Variants in FAM9C observed in about 807,000 individuals in gnomAD.
FAM9C encodes the protein protein FAM9C.
In FAM9C, 15 loss-of-function variants were observed where a neutral mutation model predicts 14.8. That is an observed-to-expected ratio of 1.02 (90% CI 0.68 to 1.56). The LOEUF is 1.56. FAM9C is among the 40% of genes most tolerant of loss of function. The pLI is 0.00. For synonymous variants in FAM9C, 45 were observed against 37.5 expected (o/e 1.20, Z -0.74); for missense variants, 116 against 118.0 (o/e 0.98, Z 0.08).
chrX:13,042,021 G>A (rs1410362669), intron 4 of FAM9C: 1 of 112,353 alleles, frequency 8.9e-6, no homozygotes, highest in Non-Finnish European at 1.9e-5. Flanking sequence ...ATGAATTATC[G>A]CTATAGAAGA....
At chrX:13,039,670 C>T in intron 6 of FAM9C, 138 bp downstream of exon 6, 1 of 991,141 alleles carries the variant, frequency 1.0e-6, no homozygotes, top group East Asian at 3.4e-5. Flanking sequence ...ATTATATTCC[C>T]CTAGTCCATG....
chrX:13,040,808 G>T lies in FAM9C; in HGVS notation c.279C>A (p.Ser93Arg), dbSNP rs148405468. 5.9e-6 allele frequency: 7 copies of T among 1,191,268 alleles called. No homozygotes were observed. The highest frequency in any genetic ancestry group is 6.8e-6 in the Non-Finnish European group (6 of 886,407). ...KRIEKIAKAC[S>R]EIKNRIKNVL... Reference sequence around the variant, plus strand: ...CATTTTTAATTCTGTTCTTTATTTCGCTGCAAGCTTTTGCAATCTTTTCAA... The same window carrying T: ...CATTTTTAATTCTGTTCTTTATTTCTCTGCAAGCTTTTGCAATCTTTTCAA... The change falls in exon 5 of 8, where the codon AGC becomes AGA. Residue 93 changes from serine (S) to arginine (R), a missense_variant. Physicochemically the swap from Ser to Arg is moderately radical, Grantham distance 110. Transcript: ENST00000380625.
chrX:13,039,085 T>C (rs1321146374), intron 6 of FAM9C, among the ~76,000 whole-genome samples: 1 of 111,717 alleles, frequency 9.0e-6, no homozygotes, highest in Non-Finnish European at 1.9e-5. Context: ...CTGAAAAATT[T>C]AAATAAACCT....
intron 2 of FAM9C, 117 bp downstream of exon 2, chrX:13,043,612 G>T: frequency 2.2e-6 from 2 of 890,329 alleles, no homozygotes; most frequent in Non-Finnish European, 1.6e-6. Flanking sequence ...CATGCACGGT[G>T]AGCTCCAAAG....
chrX:13,038,659 A>G (rs2043499828), intron 6 of FAM9C, among the ~76,000 whole-genome samples, 156 bp from the exon 7 acceptor site: 1 of 112,486 alleles, frequency 8.9e-6, no homozygotes, highest in Admixed American at 9.4e-5. Context: ...TTCACCACTC[A>G]TGTGCTAAAA....
chrX:13,035,853 A>G lies in FAM9C; in HGVS notation c.*191T>C. 1 of 112,389 alleles carries G rather than the reference A, an allele frequency of 8.9e-6. No homozygotes were observed. The highest frequency in any genetic ancestry group is 2.8e-4 in the East Asian group (1 of 3,635). 9.3% of individuals were successfully genotyped at this position (112,389 alleles called of 1,213,427 possible). A position where few individuals can be genotyped will look rare whatever the true frequency, so the allele number is the denominator to read the frequency against. On this transcript the variant is annotated 3_prime_UTR_variant, in exon 8 of 8. Coordinates refer to ENST00000380625, the MANE Select transcript of FAM9C (RefSeq NM_174901.6). ...GGCATTTAACAAACAGACTAATAAT[A>G]GAAGAGATATACTAATTTATACAAG...
At chrX:13,044,327 C>CCG (rs1569137042) in intron 1 of FAM9C, among the ~76,000 whole-genome samples, 1 of 102,740 alleles carries the variant, frequency 9.7e-6, no homozygotes, top group Non-Finnish European at 2.0e-5. Context: ...CCCGACCCCC[C>CCG]CCCAAACGCT....
At chrX:13,037,052 C>G (rs1455527467) in intron 7 of FAM9C, 1 of 112,094 alleles carries the variant, frequency 8.9e-6, no homozygotes, top group Non-Finnish European at 1.9e-5. Flanking sequence ...TAAAACAAGC[C>G]TAAGAGGGGG....
rs2043477496 is a variant in FAM9C at position 13,036,000 on chromosome X, G to A, written c.*44C>T. ...AGAGGTTGAAGATACATCTGAATAA[G>A]TGCCAACTCTTGCTGCAGCTGTTTC... On this transcript the variant is annotated 3_prime_UTR_variant, in exon 8 of 8. Transcript: ENST00000380625. The A allele has an allele frequency of 8.9e-6, 1 of 112,467 alleles. No individual in the cohort carries two copies. Among genetic ancestry groups the A allele is most frequent in the South Asian group, 3.6e-4 (1 of 2,765 alleles). The allele number at this position is 112,467 out of a possible 1,213,427, so 9.3% of individuals were successfully genotyped here.
In FAM9C at chrX:13,043,679, C is replaced by T. The variant is rs1246668924; in HGVS notation, c.61+50G>A. 40 of 1,198,323 alleles carry T rather than the reference C, an allele frequency of 3.3e-5. 1 individual carries two copies. The highest frequency in any genetic ancestry group is 4.5e-5 in the Non-Finnish European group (40 of 882,912). ...ATGTGCGCCCCGCCCAGAAAGCAGA[C>T]AGACTGTTGGGCGTGCACCTTCTTC... On this transcript the variant is annotated intron_variant, in intron 2 of 7. Coordinates refer to ENST00000380625, the MANE Select transcript of FAM9C (RefSeq NM_174901.6).
At chrX:13,042,830 T>C in intron 4 of FAM9C, 88 bp downstream of exon 4, 1 of 992,670 alleles carries the variant, frequency 1.0e-6, no homozygotes, top group Non-Finnish European at 1.4e-6. Context: ...TAAGACAGTC[T>C]TGTCATCCAC....
At chrX:13,042,880 A>T in intron 4 of FAM9C, 38 bp downstream of exon 4, 1 of 1,206,687 alleles carries the variant, frequency 8.3e-7, no homozygotes, top group Non-Finnish European at 1.1e-6. Flanking sequence ...ATGGTTGAAA[A>T]CAATTTTCAT....
At chrX:13,039,447 A>T (rs749588108) in intron 6 of FAM9C, among the ~76,000 whole-genome samples, 2 of 111,396 alleles carry the variant, frequency 1.8e-5, no homozygotes, top group East Asian at 5.6e-4. Flanking sequence ...CAGGTAACTC[A>T]GCCCCAGCTG....
intron 6 of FAM9C, among the ~76,000 whole-genome samples, 189 bp from the exon 7 acceptor site, chrX:13,038,692 T>C (rs1198528066): frequency 2.7e-5 from 3 of 112,546 alleles, no homozygotes; most frequent in East Asian, 5.5e-4. Flanking sequence ...TCATCAGTCA[T>C]GGAGTAAAGA....
intron 7 of FAM9C, chrX:13,037,792 C>T (rs1391660671): frequency 8.8e-6 from 1 of 113,419 alleles, no homozygotes; most frequent in Non-Finnish European, 1.9e-5. Flanking sequence ...TCACAATTCA[C>T]AACATGTTAA....
At chrX:13,037,781 T>A (rs1387147335) in intron 7 of FAM9C, 1 of 113,466 alleles carries the variant, frequency 8.8e-6, no homozygotes, top group Non-Finnish European at 1.9e-5. Context: ...CAGCAGATAA[T>A]TCACAATTCA....
Position 13,038,488 on chromosome X carries a change from G to A in FAM9C, c.454C>T (p.Gln152Ter). The A allele has an allele frequency of 8.3e-7, 1 of 1,203,792 alleles. No homozygotes were observed. ...KEEQIKIFQEQQKRWQQDGKG... is the reference protein window; with the variant it reads ...KEEQIKIFQE ...CCATCTTGTTGCCACCTCTTTTGTT[G>A]CTCTTGAAATATTTTCTAGAGGCAC... The change falls in exon 7 of 8, where the codon CAA becomes TAA. Residue 152 changes from glutamine to a stop codon, truncating the protein, a stop_gained. Transcript: ENST00000380625. LOFTEE classifies it high-confidence loss of function.
rs772523544 is a variant in FAM9C at position 13,043,292 on chromosome X, C to A, written c.62-44G>T. On this transcript the variant is annotated intron_variant, in intron 2 of 7. Transcript: ENST00000380625. ...GACAAACCTTTTTTAGAGGAAGACG[C>A]TGTTGTGGACATTTTTCATAGAGAA... 6.9e-6 allele frequency: 8 copies of A among 1,161,245 alleles called. No homozygotes were observed. In the South Asian group the frequency reaches 1.7e-4, roughly 24 times the overall value.
In FAM9C at chrX:13,040,763, T is replaced by C; in HGVS notation, c.324A>G (p.Leu108=). The stretch of plus-strand genomic sequence containing the variant: ...AAAAAAGCCAACAATCATACCTTTT[T>C]AGTTGTGTTGTTCTCAAAACATTTT... The part of the protein sequence containing the change: ...RIKNVLRTTQ[L]KRQKRDYRIS... Residue 108 remains leucine, a synonymous_variant, in exon 5 of 8, where the codon CTA becomes CTG. Transcript: ENST00000380625. 1 of 1,156,045 alleles carries C rather than the reference T, an allele frequency of 8.7e-7. No individual in the cohort carries two copies. The highest frequency in any genetic ancestry group is 1.2e-6 in the Non-Finnish European group (1 of 860,984).
Sources: gnomAD v4.1 joint callset for allele counts (sites outside exome capture counted in the v4.1 genomes callset) on GRCh38, gnomAD v4.1.1 for gene constraint, MANE v1.5 for transcripts, NCBI Gene and HGNC (gene_info 2026-07-23, HGNC 2026-07-21) for gene names.